Variants in TF observed in about 807,000 individuals in gnomAD.
The protein encoded by TF is serotransferrin.
In TF, 55 loss-of-function variants were observed where a neutral mutation model predicts 82.4. The observed-to-expected ratio is 0.67, with a 90% CI of 0.54 to 0.84. The LOEUF (loss-of-function observed/expected upper bound fraction) is 0.84, where lower values mean the gene tolerates loss of function less well. Among genes scored for constraint, TF ranks in the 40% least tolerant of loss-of-function variants. The pLI, the probability that TF is intolerant of heterozygous loss-of-function variation, is 0.00. For missense variants in TF, 737 were observed against 868.4 expected (o/e 0.85, Z 1.90); for synonymous variants, 332 against 332.6 (o/e 1.00, Z 0.02).
chr3:133,704,800 G>A, the TF span, among the ~76,000 whole-genome samples: 1 of 152,206 alleles, frequency 6.6e-6, no homozygotes, highest in Admixed American at 6.5e-5. Context: ...AGGTGGGGCT[G>A]CAAGGTCATG....
chr3:133,767,947 C>T, intron 12 of TF, 82 bp from the exon 13 acceptor site: 1 of 1,530,842 alleles, frequency 6.5e-7, no homozygotes, highest in South Asian at 1.1e-5. Flanking sequence ...TTATTATGGG[C>T]CATGCAGCCC....
the TF span, among the ~76,000 whole-genome samples, chr3:133,728,703 G>A: frequency 8.5e-5 from 13 of 152,184 alleles, no homozygotes; most frequent in African/African-American, 2.9e-4. Context: ...GTGAGGAACT[G>A]CATTCCTTTG....
the TF span, among the ~76,000 whole-genome samples, chr3:133,721,311 GA>G: frequency 0.19 from 29,239 of 152,048 alleles, 2,925 homozygotes; most frequent in East Asian, 0.29. Flanking sequence ...TTGTCTTAAG[GA>G]ATTTTTAAAT....
the TF span, among the ~76,000 whole-genome samples, chr3:133,683,512 C>T: frequency 6.6e-6 from 1 of 151,974 alleles, no homozygotes; most frequent in Non-Finnish European, 1.5e-5. Flanking sequence ...GAAGATCTAC[C>T]AAGCAAATGG....
At chr3:133,731,556 C>T in the TF span, among the ~76,000 whole-genome samples, 1 of 152,186 alleles carries the variant, frequency 6.6e-6, no homozygotes, top group Non-Finnish European at 1.5e-5. Context: ...AGACATAAAG[C>T]AGTCACACAG....
At chr3:133,766,154 G>T (rs563684714) in intron 11 of TF, 124 bp from the exon 12 acceptor site, 1 of 945,442 alleles carries the variant, frequency 1.1e-6, no homozygotes, top group Admixed American at 1.7e-5. Context: ...ATACTGGGAA[G>T]ATCCTCTCAA....
chr3:133,770,055 C>T (rs1383346919), intron 13 of TF, among the ~76,000 whole-genome samples: 1 of 152,142 alleles, frequency 6.6e-6, no homozygotes, highest in Non-Finnish European at 1.5e-5. Flanking sequence ...GCAAATGCTC[C>T]ATAAATGTTA....
At chr3:133,707,378 C>G in the TF span, 3,794 of 152,366 alleles carry the variant, frequency 0.025, 71 homozygotes, top group Middle Eastern at 0.055. Flanking sequence ...ACCTGCTTCA[C>G]TGGGAGGGGC....
Position 133,770,500 on chromosome 3 carries a change from C to T in TF, c.1623-8C>T. The T allele has an allele frequency of 6.2e-7, 1 of 1,614,110 alleles. No homozygotes were observed. Among genetic ancestry groups the T allele is most frequent in the Non-Finnish European group, 8.5e-7 (1 of 1,179,984 alleles). Reference sequence around the variant, plus strand: ...TTTTTTTTCTCTCCCACTTCTGGACCTCTGCAGGTGTCTGGTTGAGAAGGG... The same window carrying T: ...TTTTTTTTCTCTCCCACTTCTGGACTTCTGCAGGTGTCTGGTTGAGAAGGG... On this transcript the variant is annotated splice_region_variant and splice_polypyrimidine_tract_variant and intron_variant, in intron 13 of 16. Transcript: ENST00000402696.
intron 1 of TF, among the ~76,000 whole-genome samples, chr3:133,747,529 C>G (rs1016318833): frequency 6.6e-6 from 1 of 152,172 alleles, no homozygotes; most frequent in Non-Finnish European, 1.5e-5. Flanking sequence ...TGTGGTGGCC[C>G]ACAAGGAGTG....
the TF span, among the ~76,000 whole-genome samples, chr3:133,702,509 C>T: frequency 7.9e-5 from 12 of 151,804 alleles, no homozygotes; most frequent in Non-Finnish European, 1.3e-4. Context: ...CACACCATTG[C>T]ACTCTAGCCT....
chr3:133,669,783 T>A, the TF span, among the ~76,000 whole-genome samples: 1,132 of 152,342 alleles, frequency 7.4e-3, 9 homozygotes, highest in African/African-American at 0.025. Context: ...TTTATGTTAC[T>A]AAGAGGTCAA....
intron 1 of TF, among the ~76,000 whole-genome samples, chr3:133,746,911 A>G (rs1001115641): frequency 2.0e-5 from 3 of 152,114 alleles, no homozygotes; most frequent in Admixed American, 6.5e-5. Context: ...GGTGCCATCG[A>G]GCGGTCAGAG....
chr3:133,759,488 C>CT (rs970993825), intron 9 of TF, among the ~76,000 whole-genome samples, 159 bp downstream of exon 9: 1 of 152,180 alleles, frequency 6.6e-6, no homozygotes, highest in African/African-American at 2.4e-5. Context: ...GGTTCAGAAT[C>CT]TTTGAGCTTG....
chr3:133,759,185 C>T lies in TF; in HGVS notation c.1059C>T (p.Ala353=), dbSNP rs1420866814. 1 of 1,614,082 alleles carries T rather than the reference C, an allele frequency of 6.2e-7. No homozygotes were observed. The highest frequency in any genetic ancestry group is 1.1e-5 in the South Asian group (1 of 91,062). ...TTTTTTATGCCATAGGCCCAGAAGC[C>T]CCAACAGATGAATGCAAGCCTGTGA... ...RNLREGTCPE[A]PTDECKPVKW... is the part of the protein sequence containing the mutation. Residue 353 remains alanine (A), a synonymous_variant, in exon 9 of 17, where the codon GCC becomes GCT. Coordinates refer to ENST00000402696, the MANE Select transcript of TF (RefSeq NM_001063.4).
chr3:133,772,284 C>T lies in TF; in HGVS notation c.1687+1712C>T, dbSNP rs952381219. On this transcript the variant is annotated intron_variant, in intron 14 of 16. Coordinates refer to ENST00000402696, the MANE Select transcript of TF (RefSeq NM_001063.4). ...CTTTTTCCTTTAAGAGAGTGTTACCCTAAGCTTGGCTCTTTGCCACCCTTG... is the reference window on the plus strand; with the variant it reads ...CTTTTTCCTTTAAGAGAGTGTTACCTTAAGCTTGGCTCTTTGCCACCCTTG... 3.3e-5 allele frequency among the ~76,000 whole-genome samples: 5 copies of T among 152,290 alleles called. No individual in the cohort carries two copies. In the South Asian group the frequency reaches 6.2e-4, roughly 19 times the overall value.
intron 13 of TF, among the ~76,000 whole-genome samples, chr3:133,769,994 G>A (rs1381242769): frequency 6.6e-6 from 1 of 152,122 alleles, no homozygotes; most frequent in Non-Finnish European, 1.5e-5. Context: ...GCCATGTTTT[G>A]CCATATTCTC....
At chr3:133,755,062 C>G (rs1933786812) in intron 4 of TF, among the ~76,000 whole-genome samples, 1 of 152,238 alleles carries the variant, frequency 6.6e-6, no homozygotes, top group South Asian at 2.1e-4. Flanking sequence ...GGGGACCTCT[C>G]TCTGAGCTGT....
Position 133,777,238 on chromosome 3 carries a change from T to A in TF, c.2062T>A (p.Ser688Thr), listed in dbSNP as rs139122360. 244 of 1,611,558 alleles carry A rather than the reference T, an allele frequency of 1.5e-4. No homozygotes were observed. The African/African-American group carries it at 2.7e-3, about 18-fold the overall frequency. ...TAACCTGAGAAAATGCTCCACCTCA[T>A]GTGAGTAGGAGGAACAGCATGGGGA... ...VGNLRKCSTS[S>T]LLEACTFRRP is the part of the protein sequence containing the mutation. Residue 688 changes from serine (S) to threonine (T), a missense_variant and splice_region_variant, in exon 16 of 17, where the codon TCA (serine) becomes ACA (threonine). By Grantham distance (58) the Ser-to-Thr change is moderately conservative. Transcript: ENST00000402696.
Sources: gnomAD v4.1 joint callset for allele counts (sites outside exome capture counted in the v4.1 genomes callset) on GRCh38, gnomAD v4.1.1 for gene constraint, MANE v1.5 for transcripts, NCBI Gene and HGNC (gene_info 2026-07-23, HGNC 2026-07-21) for gene names.